The following TMEM67 variants were observed in gnomAD, a reference collection of about 807,000 sequenced individuals.
TMEM67 encodes the protein transmembrane protein 67, also known as meckelin.
A neutral mutation model predicts 136.6 loss-of-function variants in TMEM67; 124 were observed. The ratio of observed to expected loss-of-function variants is 0.91; its 90% CI spans 0.78 to 1.05. The LOEUF is 1.05. Among genes scored for constraint, TMEM67 ranks in the 50% least tolerant of loss-of-function variants. TMEM67 has a pLI of 0.00. For missense variants in TMEM67, 1,107 were observed against 1,178.4 expected, an observed-to-expected ratio of 0.94 and a Z score of 0.89; for synonymous variants, 364 against 390.5, an observed-to-expected ratio of 0.93 and a Z score of 0.80.
chr8:93,815,017 A>G (rs1241265573), intron 26 of TMEM67, among the ~76,000 whole-genome samples: 1 of 152,202 alleles, frequency 6.6e-6, no homozygotes, highest in East Asian at 1.9e-4. Context: ...AGAAATAGAG[A>G]AAGGCTATTT....
At chr8:93,797,279 T>C (rs1814663402) in intron 19 of TMEM67, 46 bp downstream of exon 19, 1 of 1,613,350 alleles carries the variant, frequency 6.2e-7, no homozygotes, top group Non-Finnish European at 8.5e-7. Flanking sequence ...TTTGCTACCC[T>C]TGCAGAGCAA....
In TMEM67 at chr8:93,791,387, A is replaced by G. The variant is rs144473414; in HGVS notation, c.1575+68A>G. ...ATAATTAAATGATTTCAGATGTGCA[A>G]GAAGTTGCTAAAACAAATTTGCCAG... is the stretch of plus-strand genomic sequence containing the variant. On this transcript the variant is annotated intron_variant, in intron 15 of 27. Coordinates refer to ENST00000453321, the MANE Select transcript of TMEM67 (RefSeq NM_153704.6). 8,788 of 1,185,678 alleles carry G rather than the reference A, an allele frequency of 7.4e-3. 113 individuals are homozygous for G. Among genetic ancestry groups the G allele is most frequent in the South Asian group, 0.042 (3,135 of 73,934 alleles). 73.4% of individuals were successfully genotyped at this position (1,185,678 alleles called of 1,614,324 possible). A position where few individuals can be genotyped will look rare whatever the true frequency, so the allele number is the denominator to read the frequency against.
chr8:93,757,418 A>C (rs751581832), intron 2 of TMEM67, among the ~76,000 whole-genome samples: 1 of 152,100 alleles, frequency 6.6e-6, no homozygotes, highest in Admixed American at 6.6e-5. Flanking sequence ...CAGGTGGATC[A>C]CGAGGTCAAG....
Position 93,785,341 on chromosome 8 carries a change from C to A in TMEM67, c.1251C>A (p.Asn417Lys). The A allele has an allele frequency of 2.5e-6, 4 of 1,611,986 alleles. No homozygotes were observed. The highest frequency in any genetic ancestry group is 3.4e-6 in the Non-Finnish European group (4 of 1,178,592). Reference protein sequence around the residue: ...HQYILAVPVLNLNLQHNKIFV... With the variant: ...HQYILAVPVLKLNLQHNKIFV... The stretch of plus-strand genomic sequence containing the variant: ...ATATTTTGGCTGTGCCTGTGTTAAA[C>A]CTAAATCTTCAACATAATAAGATAT... The change falls in exon 12 of 28, where the codon AAC becomes AAA. Residue 417 changes from asparagine to lysine, a missense_variant. Physicochemically the swap from Asn to Lys is moderately conservative, Grantham distance 94 (BLOSUM62 0). Coordinates refer to ENST00000453321, the MANE Select transcript of TMEM67 (RefSeq NM_153704.6).
At chr8:93,785,126 T>A in intron 11 of TMEM67, 96 bp from the exon 12 acceptor site, 1 of 825,164 alleles carries the variant, frequency 1.2e-6, no homozygotes, top group Non-Finnish European at 2.0e-6. Flanking sequence ...TAAATATGCT[T>A]GCTAATTTTC....
At chr8:93,786,408 C>A in intron 13 of TMEM67, 62 bp downstream of exon 13, 2 of 1,564,036 alleles carry the variant, frequency 1.3e-6, no homozygotes, top group South Asian at 2.2e-5. Flanking sequence ...GTTTGCCAGT[C>A]ATTAGTAGAT....
chr8:93,772,791 T>A, intron 7 of TMEM67, 140 bp downstream of exon 7: 1 of 641,116 alleles, frequency 1.6e-6, no homozygotes, highest in African/African-American at 1.8e-5. Context: ...CTCTTTCTTG[T>A]GGGCTGAAAG....
chr8:93,787,266 T>A (rs1449867782), intron 13 of TMEM67, among the ~76,000 whole-genome samples: 1 of 152,100 alleles, frequency 6.6e-6, no homozygotes, highest in Non-Finnish European at 1.5e-5. Context: ...TTTTTTAATT[T>A]AAAAATTTAT....
intron 2 of TMEM67, among the ~76,000 whole-genome samples, chr8:93,757,465 A>G (rs1314110874): frequency 6.6e-6 from 1 of 151,970 alleles, no homozygotes; most frequent in Non-Finnish European, 1.5e-5. Context: ...GTGAAACCCC[A>G]TCTCTACTAA....
intron 14 of TMEM67, 163 bp from the exon 15 acceptor site, chr8:93,791,099 AG>A: frequency 1.8e-6 from 1 of 570,858 alleles, no homozygotes; most frequent in African/African-American, 1.9e-5. Flanking sequence ...AATTCTCAAA[AG>A]CATATCTATT....
rs957984732 is a variant in TMEM67, at chr8:93,817,975, A to G, written c.*1523A>G. ...CATAGAAGAAGTTAATTTTAGTGCA[A>G]AAGTTTTTAAGTATTAAATTTCACA... On this transcript the variant is annotated 3_prime_UTR_variant, in exon 28 of 28. Transcript: ENST00000453321. The G allele has an allele frequency of 3.9e-5, 6 of 152,250 alleles. No individual in the cohort carries two copies. Among genetic ancestry groups the G allele is most frequent in the African/African-American group, 1.2e-4 (5 of 41,468 alleles). The allele number at this position is 152,250 out of a possible 1,614,324, so 9.4% of individuals were successfully genotyped here. A position where few individuals can be genotyped will look rare whatever the true frequency, so the allele number is the denominator to read the frequency against.
chr8:93,801,569 T>G (rs574950570), intron 21 of TMEM67, among the ~76,000 whole-genome samples: 2 of 152,180 alleles, frequency 1.3e-5, no homozygotes, highest in South Asian at 4.2e-4. Flanking sequence ...GCCCAGCTAA[T>G]TTTTGTGTTT....
intron 14 of TMEM67, 84 bp downstream of exon 14, chr8:93,788,033 CTTTT>C (rs376142937): frequency 2.6e-6 from 2 of 777,214 alleles, no homozygotes; most frequent in African/African-American, 1.9e-5. Flanking sequence ...AAAAGACAGT[CTTTT>C]TTTTTTTTTT....
intron 16 of TMEM67, among the ~76,000 whole-genome samples, chr8:93,793,892 TTTG>T (rs1476707845): frequency 3.3e-5 from 5 of 152,158 alleles, no homozygotes; most frequent in Non-Finnish European, 5.9e-5. Flanking sequence ...TTTGTTTTTT[TTTG>T]TTGTTGTTTT....
In TMEM67 at chr8:93,786,315, G is replaced by T. The variant is rs1036689562; in HGVS notation, c.1381G>T (p.Val461Leu). The T allele has an allele frequency of 1.9e-5, 31 of 1,613,918 alleles. No homozygotes were observed. The highest frequency in any genetic ancestry group is 2.4e-5 in the Non-Finnish European group (28 of 1,179,954). ...AAATGACTTAGGAACTCAGCCAAGA[G>T]TAATTCGAGTTGCTACTCAAATATC... ...RENDLGTQPR[V>L]IRVATQISLS... The change falls in exon 13 of 28, where the codon GTA becomes TTA. Residue 461 changes from valine to leucine, a missense_variant. Physicochemically the swap from Val to Leu is conservative, Grantham distance 32. Coordinates refer to ENST00000453321, the MANE Select transcript of TMEM67 (RefSeq NM_153704.6).
chr8:93,768,097 C>G (rs1813160474), intron 6 of TMEM67, among the ~76,000 whole-genome samples: 1 of 151,580 alleles, frequency 6.6e-6, no homozygotes, highest in Non-Finnish European at 1.5e-5. Context: ...AACTCCCCAC[C>G]TCAAATGATC....
At chr8:93,773,015 G>A (rs1451413073) in intron 7 of TMEM67, among the ~76,000 whole-genome samples, 2 of 152,118 alleles carry the variant, frequency 1.3e-5, no homozygotes, top group Non-Finnish European at 2.9e-5. Flanking sequence ...TAAATGTCAG[G>A]TTGTGCTAAG....
chr8:93,827,085 C>G, the TMEM67 span, among the ~76,000 whole-genome samples: 85 of 152,290 alleles, frequency 5.6e-4, no homozygotes, highest in Admixed American at 5.3e-3. Context: ...CCCACCTCAG[C>G]CTTCCAGAGT....
At chr8:93,787,633 A>G (rs1397967911) in intron 13 of TMEM67, among the ~76,000 whole-genome samples, 1 of 152,206 alleles carries the variant, frequency 6.6e-6, no homozygotes, top group Non-Finnish European at 1.5e-5. Flanking sequence ...TTACACCATC[A>G]GATGGTATAT....
Sources: gnomAD v4.1 joint callset for allele counts (sites outside exome capture counted in the v4.1 genomes callset) on GRCh38, gnomAD v4.1.1 for gene constraint, MANE v1.5 for transcripts, NCBI Gene and HGNC (gene_info 2026-07-23, HGNC 2026-07-21) for gene names.